Variants in PTPRT observed in about 807,000 individuals in gnomAD.
PTPRT encodes the protein receptor-type tyrosine-protein phosphatase T.
In PTPRT, 56 loss-of-function variants were observed where a neutral mutation model predicts 176.8. The observed-to-expected ratio is 0.32, with a 90% CI of 0.26 to 0.40. PTPRT has a LOEUF of 0.40. PTPRT is among the 10% of genes least tolerant of loss of function. The pLI, the probability that PTPRT is intolerant of heterozygous loss-of-function variation, is 1.00. For synonymous variants in PTPRT, 783 were observed against 739.0 expected (o/e 1.06, Z -0.96); for missense variants, 1,540 against 1,908.2 (o/e 0.81, Z 3.60).
chr20:42,719,417 G>A (rs141764516), intron 6 of PTPRT, among the ~76,000 whole-genome samples: 1 of 152,278 alleles, frequency 6.6e-6, no homozygotes, highest in Non-Finnish European at 1.5e-5. Flanking sequence ...GAAACCAAGA[G>A]ATATAGTTAT....
chr20:43,042,886 C>T lies in PTPRT; in HGVS notation c.88+146760G>A, dbSNP rs192338367. Among the ~76,000 whole-genome samples the T allele has an allele frequency of 9.2e-5, 14 of 152,250 alleles. No homozygotes were observed. In the East Asian group the frequency reaches 2.7e-3, roughly 29 times the overall value. ...TCATCTCAACTGTGGTTTTGTGCCA[C>T]ATCTTTGCTATTCTCCTCCTATTTT... On this transcript the variant is annotated intron_variant, in intron 1 of 30. Transcript: ENST00000373187.
intron 17 of PTPRT, among the ~76,000 whole-genome samples, chr20:42,150,940 G>A (rs192444027): frequency 5.3e-4 from 81 of 152,106 alleles, no homozygotes; most frequent in African/African-American, 1.8e-3. Context: ...CACACCCCAC[G>A]GAATTTTGTG....
chr20:42,880,549 C>G (rs73907291), intron 2 of PTPRT, among the ~76,000 whole-genome samples: 2 of 152,158 alleles, frequency 1.3e-5, no homozygotes, highest in African/African-American at 4.8e-5. Flanking sequence ...CTTCCTTCAG[C>G]CCCCAGGATG....
chr20:42,757,023 C>G (rs372477981), intron 5 of PTPRT, among the ~76,000 whole-genome samples: 116 of 149,552 alleles, frequency 7.8e-4, no homozygotes, highest in African/African-American at 2.6e-3. Context: ...GCACTCTACC[C>G]TGGGTGACAG....
At chr20:42,811,724 C>T (rs564505626) in intron 2 of PTPRT, among the ~76,000 whole-genome samples, 8 of 152,256 alleles carry the variant, frequency 5.3e-5, no homozygotes, top group African/African-American at 1.9e-4. Flanking sequence ...CAGGTTTTAA[C>T]CTTCATACCC....
intron 7 of PTPRT, among the ~76,000 whole-genome samples, chr20:42,482,402 A>C (rs1476933484): frequency 6.6e-6 from 1 of 152,204 alleles, no homozygotes; most frequent in East Asian, 1.9e-4. Flanking sequence ...GATAACAACT[A>C]GGGCAGTTGT....
intron 7 of PTPRT, among the ~76,000 whole-genome samples, chr20:42,553,722 A>G (rs2072810814): frequency 6.6e-6 from 1 of 152,042 alleles, no homozygotes; most frequent in African/African-American, 2.4e-5. Context: ...CCCAGAGAAG[A>G]GGGTGAAATG....
intron 1 of PTPRT, among the ~76,000 whole-genome samples, chr20:43,106,645 C>T (rs1453523302): frequency 8.7e-6 from 1 of 114,870 alleles, no homozygotes; most frequent in Non-Finnish European, 1.6e-5. Flanking sequence ...CTGACAACAG[C>T]GAGACTCCAT....
At chr20:43,127,497 T>G (rs1346684299) in intron 1 of PTPRT, among the ~76,000 whole-genome samples, 1 of 150,326 alleles carries the variant, frequency 6.7e-6, no homozygotes, top group East Asian at 1.9e-4. Context: ...CTGCTAACAT[T>G]AATAAGAGCC....
At chr20:42,184,294 T>C (rs73909232) in intron 16 of PTPRT, among the ~76,000 whole-genome samples, 3,727 of 152,308 alleles carry the variant, frequency 0.024, 142 homozygotes, top group African/African-American at 0.086. Flanking sequence ...ATGTCACTTA[T>C]TTCTTCTTTT....
At chr20:42,628,102 G>T (rs138883300) in intron 7 of PTPRT, among the ~76,000 whole-genome samples, 1 of 152,110 alleles carries the variant, frequency 6.6e-6, no homozygotes, top group African/African-American at 2.4e-5. Context: ...CACACAGGGT[G>T]GGGAAAGAAG....
rs1043727016 is a variant in PTPRT at position 42,556,333 on chromosome 20, A to G, written c.1154-83771T>C. 3.3e-5 allele frequency among the ~76,000 whole-genome samples: 5 copies of G among 152,230 alleles called. No homozygotes were observed. In the South Asian group the frequency reaches 6.2e-4, roughly 19 times the overall value. On this transcript the variant is annotated intron_variant, in intron 7 of 30. Coordinates refer to ENST00000373187, the MANE Select transcript of PTPRT (RefSeq NM_007050.6). ...TTCTCATCTTTTACATCTCACTAGA[A>G]CCCTGCAATTAGCTTGTGAGACAGG...
chr20:42,791,062 G>T, intron 3 of PTPRT, 133 bp downstream of exon 3: 2 of 1,142,840 alleles, frequency 1.8e-6, no homozygotes, highest in Non-Finnish European at 2.4e-6. Context: ...TGCAGAGCTT[G>T]GCTAGGAGGA....
intron 1 of PTPRT, among the ~76,000 whole-genome samples, chr20:43,073,339 T>C (rs2011206542): frequency 6.6e-6 from 1 of 152,146 alleles, no homozygotes; most frequent in African/African-American, 2.4e-5. Context: ...CTTATTTCAA[T>C]GTGCTCCGTT....
chr20:43,155,634 G>T (rs1046188109), intron 1 of PTPRT, among the ~76,000 whole-genome samples: 1 of 152,162 alleles, frequency 6.6e-6, no homozygotes, highest in Non-Finnish European at 1.5e-5. Context: ...TCTAGTTAAT[G>T]ATGATAAATT....
chr20:43,177,291 T>G (rs2015144463), intron 1 of PTPRT, among the ~76,000 whole-genome samples: 2 of 152,154 alleles, frequency 1.3e-5, no homozygotes, highest in South Asian at 2.1e-4. Flanking sequence ...TGACATATAG[T>G]GAAAGATGGC....
At chr20:43,156,309 C>T in intron 1 of PTPRT, among the ~76,000 whole-genome samples, 1 of 152,184 alleles carries the variant, frequency 6.6e-6, no homozygotes, top group Middle Eastern at 3.2e-3. Flanking sequence ...GGGGCCTTAG[C>T]AACATCCATT....
intron 1 of PTPRT, among the ~76,000 whole-genome samples, chr20:43,029,973 G>A (rs1232292594): frequency 1.3e-5 from 2 of 152,348 alleles, no homozygotes; most frequent in South Asian, 4.1e-4. Flanking sequence ...AACCTGATAT[G>A]CAGCATAGAT....
At chr20:42,261,018 T>C (rs2056738899) in intron 13 of PTPRT, among the ~76,000 whole-genome samples, 1 of 152,128 alleles carries the variant, frequency 6.6e-6, no homozygotes, top group Non-Finnish European at 1.5e-5. Flanking sequence ...GTGCTCAGGA[T>C]CACTGCATTT....
Sources: gnomAD v4.1 joint callset for allele counts (sites outside exome capture counted in the v4.1 genomes callset) on GRCh38, gnomAD v4.1.1 for gene constraint, MANE v1.5 for transcripts, NCBI Gene and HGNC (gene_info 2026-07-23, HGNC 2026-07-21) for gene names.